OR1J2: variants seen among roughly 807,000 people sequenced by gnomAD.
The protein encoded by OR1J2 is olfactory receptor family 1 subfamily J member 2.
For missense variants in OR1J2, 304 were observed against 246.1 expected (o/e 1.24, Z -1.57); for synonymous variants, 142 against 99.7 (o/e 1.42, Z -2.52).
chr9:122,519,089 T>C, the OR1J2 span: 1 of 1,269,162 alleles, frequency 7.9e-7, no homozygotes, highest in African/African-American at 1.5e-5. Flanking sequence ...CATTTGTTTG[T>C]TTCTGCCTTT....
At chr9:122,508,914 A>G (rs113665983), upstream of OR1J2, among the ~76,000 whole-genome samples, 1 of 152,338 alleles carries the variant, frequency 6.6e-6, no homozygotes, top group African/African-American at 2.4e-5. Context: ...GTTCTAGAGC[A>G]TAATCTTGTT....
the OR1J2 span, among the ~76,000 whole-genome samples, chr9:122,538,803 T>G: frequency 6.6e-6 from 1 of 152,158 alleles, no homozygotes; most frequent in Non-Finnish European, 1.5e-5. Context: ...ATACCACATA[T>G]TCTCACTTAT....
At chr9:122,567,184 A>G in the OR1J2 span, 235 of 167,386 alleles carry the variant, frequency 1.4e-3, 2 homozygotes, top group African/African-American at 5.4e-3. Context: ...CAAATTACAC[A>G]TTTTTCAGCA....
chr9:122,477,227 T>C, the OR1J2 span: 5 of 1,614,130 alleles, frequency 3.1e-6, no homozygotes, highest in African/African-American at 1.3e-5. Context: ...GCTTTGCATA[T>C]GCCCTTGGTA....
chr9:122,476,662 A>T, the OR1J2 span, among the ~76,000 whole-genome samples: 1 of 152,188 alleles, frequency 6.6e-6, no homozygotes, highest in Admixed American at 6.5e-5. Flanking sequence ...AAAGAAAGGT[A>T]AATATCAGTT....
At chr9:122,449,234 A>G in the OR1J2 span, among the ~76,000 whole-genome samples, 44 of 152,294 alleles carry the variant, frequency 2.9e-4, no homozygotes, top group African/African-American at 8.4e-4. Context: ...TGTATCTACA[A>G]TCATTTCACA....
chr9:122,519,315 A>G, the OR1J2 span: 2 of 1,613,616 alleles, frequency 1.2e-6, no homozygotes, highest in African/African-American at 1.3e-5. Context: ...TCACACCCCC[A>G]TGTTCTTCTT....
At chr9:122,524,975 C>T in the OR1J2 span, among the ~76,000 whole-genome samples, 1 of 152,122 alleles carries the variant, frequency 6.6e-6, no homozygotes, top group Admixed American at 6.6e-5. Flanking sequence ...AGGTCAATGG[C>T]TTGGAGGAGA....
At chr9:122,514,385 TTC>T (rs1251109637), downstream of OR1J2, among the ~76,000 whole-genome samples, 7 of 152,318 alleles carry the variant, frequency 4.6e-5, no homozygotes, top group East Asian at 1.3e-3. Flanking sequence ...GTATTTGGTT[TTC>T]TGTTTCTGTG....
the OR1J2 span, among the ~76,000 whole-genome samples, chr9:122,488,225 C>T: frequency 6.6e-6 from 1 of 152,158 alleles, no homozygotes; most frequent in East Asian, 1.9e-4. Flanking sequence ...GCAACCTCTG[C>T]CTCCTGGGTT....
At chr9:122,546,044 A>C in the OR1J2 span, among the ~76,000 whole-genome samples, 1 of 152,016 alleles carries the variant, frequency 6.6e-6, no homozygotes, top group East Asian at 1.9e-4. Context: ...GGGGTGGATA[A>C]ACTTGTCGCT....
the OR1J2 span, chr9:122,572,852 A>G: frequency 1.3e-5 from 2 of 152,220 alleles, no homozygotes; most frequent in Non-Finnish European, 2.9e-5. Flanking sequence ...TGTGATTTCC[A>G]ACTCTGCTTC....
the OR1J2 span, among the ~76,000 whole-genome samples, chr9:122,483,897 G>A: frequency 6.6e-6 from 1 of 152,168 alleles, no homozygotes. Context: ...GAGGTAGAGT[G>A]TAGAGAATTA....
chr9:122,468,979 A>G, the OR1J2 span, among the ~76,000 whole-genome samples: 1 of 152,208 alleles, frequency 6.6e-6, no homozygotes, highest in African/African-American at 2.4e-5. Flanking sequence ...CCTGTGGACA[A>G]TGCTGAGTTG....
At chr9:122,578,913 C>T in the OR1J2 span, among the ~76,000 whole-genome samples, 7 of 151,960 alleles carry the variant, frequency 4.6e-5, no homozygotes, top group Admixed American at 4.6e-4. Context: ...AAACATGTAA[C>T]CAAACACCAC....
chr9:122,515,874 TTTG>T (rs529951787), downstream of OR1J2, among the ~76,000 whole-genome samples: 1,607 of 152,232 alleles, frequency 0.011, 34 homozygotes, highest in African/African-American at 0.037. Context: ...GGCAGCAAAC[TTTG>T]AGCCCAGGCA....
chr9:122,456,430 A>G, the OR1J2 span, among the ~76,000 whole-genome samples: 1 of 152,164 alleles, frequency 6.6e-6, no homozygotes, highest in Non-Finnish European at 1.5e-5. Context: ...CTGCCAAGAC[A>G]GGGGAACAGT....
At chr9:122,556,367 T>G in the OR1J2 span, among the ~76,000 whole-genome samples, 1 of 152,168 alleles carries the variant, frequency 6.6e-6, no homozygotes, top group South Asian at 2.1e-4. Flanking sequence ...TCTTTCATCC[T>G]TTGTCAAAAA....
chr9:122,468,166 G>C, the OR1J2 span, among the ~76,000 whole-genome samples: 1 of 152,160 alleles, frequency 6.6e-6, no homozygotes, highest in African/African-American at 2.4e-5. Context: ...ACCTATTAAA[G>C]CAAGTGGCTG....
Sources: gnomAD v4.1 joint callset for allele counts (sites outside exome capture counted in the v4.1 genomes callset) on GRCh38, gnomAD v4.1.1 for gene constraint, MANE v1.5 for transcripts, NCBI Gene and HGNC (gene_info 2026-07-23, HGNC 2026-07-21) for gene names.